AGBL1: variants seen among roughly 807,000 people sequenced by gnomAD.
AGBL1 encodes the protein cytosolic carboxypeptidase 4.
A neutral mutation model predicts 118.9 loss-of-function variants in AGBL1; 130 were observed. The observed-to-expected ratio is 1.09, with a 90% CI of 0.95 to 1.26. AGBL1 has a LOEUF of 1.26. AGBL1 is among the 50% of genes most tolerant of loss of function. The pLI, the probability that AGBL1 is intolerant of heterozygous loss-of-function variation, is 0.00. For synonymous variants in AGBL1, 555 were observed against 478.9 expected (o/e 1.16, Z -2.08); for missense variants, 1,584 against 1,298.1 (o/e 1.22, Z -3.38).
chr15:86,404,941 A>G (rs2081502313), intron 18 of AGBL1, among the ~76,000 whole-genome samples: 1 of 152,164 alleles, frequency 6.6e-6, no homozygotes, highest in Non-Finnish European at 1.5e-5. Context: ...AATGTACCTG[A>G]AAAATGGGCC....
chr15:86,407,503 C>G (rs941557412), intron 18 of AGBL1, among the ~76,000 whole-genome samples: 12 of 152,104 alleles, frequency 7.9e-5, no homozygotes, highest in African/African-American at 2.4e-4. Context: ...CCTAATCTTT[C>G]TAAAGTCTCT....
intron 18 of AGBL1, among the ~76,000 whole-genome samples, chr15:86,484,592 G>A (rs766860495): frequency 4.6e-5 from 7 of 152,074 alleles, no homozygotes; most frequent in Non-Finnish European, 1.0e-4. Flanking sequence ...CTTCTTCCAC[G>A]TTTCGGTGCA....
intron 5 of AGBL1, among the ~76,000 whole-genome samples, chr15:86,185,956 T>G (rs2077626218): frequency 6.6e-6 from 1 of 152,104 alleles, no homozygotes; most frequent in African/African-American, 2.4e-5. Context: ...AAATAAAAAT[T>G]TTTTTTCTCT....
chr15:86,482,432 C>A (rs1225579872), intron 18 of AGBL1, among the ~76,000 whole-genome samples: 1 of 152,124 alleles, frequency 6.6e-6, no homozygotes, highest in Admixed American at 6.6e-5. Flanking sequence ...AATGTCTAAT[C>A]TTTTAGAAGG....
At chr15:86,277,318 ATGTGTGTG>A (rs5814232) in intron 15 of AGBL1, among the ~76,000 whole-genome samples, 66,560 of 147,508 alleles carry the variant, frequency 0.45, 15,179 homozygotes, top group African/African-American at 0.55. Context: ...GTGTGTGTGT[ATGTGTGTG>A]TGTGTGTGTG....
chr15:86,211,481 C>T (rs775298483), intron 5 of AGBL1, among the ~76,000 whole-genome samples: 30 of 152,232 alleles, frequency 2.0e-4, no homozygotes, highest in African/African-American at 6.3e-4. Flanking sequence ...TGCAGCGCTG[C>T]GGTGAGCTCC....
At position 86,079,904 on chromosome 15, in the gene AGBL1, C is replaced by T; in HGVS notation, c.-69C>T. ...CCTGCGAGGCGGGCAGCGAGGTCAG[C>T]TTGGCAGCCGCTGCCTCTCCAGCCT... On this transcript the variant is annotated 5_prime_UTR_variant, in exon 1 of 23. Coordinates refer to ENST00000614907, the MANE Select transcript of AGBL1 (RefSeq NM_001386094.1). 8.5e-7 allele frequency: 1 copy of T among 1,174,182 alleles called. No homozygotes were observed. The highest frequency in any genetic ancestry group is 1.1e-6 in the Non-Finnish European group (1 of 934,392). The allele number at this position is 1,174,182 out of a possible 1,614,324, so 72.7% of individuals were successfully genotyped here.
chr15:86,530,144 A>G (rs1317428099), intron 19 of AGBL1, among the ~76,000 whole-genome samples: 3 of 141,766 alleles, frequency 2.1e-5, no homozygotes, highest in African/African-American at 9.4e-5. Context: ...AAATTCTCCA[A>G]TTAAAAGACA....
chr15:86,517,250 TTTC>T (rs1374208878), intron 18 of AGBL1, among the ~76,000 whole-genome samples: 1 of 152,228 alleles, frequency 6.6e-6, no homozygotes, highest in African/African-American at 2.4e-5. Flanking sequence ...GAATGTTAAT[TTTC>T]TTCTTACCTT....
intron 22 of AGBL1, among the ~76,000 whole-genome samples, chr15:86,785,428 G>A (rs1279741343): frequency 6.9e-6 from 1 of 145,194 alleles, no homozygotes. Flanking sequence ...AGGCTACAGT[G>A]TAGTGGTGTG....
intron 22 of AGBL1, among the ~76,000 whole-genome samples, chr15:86,740,213 A>G (rs2077657738): frequency 6.6e-6 from 1 of 152,272 alleles, no homozygotes. Flanking sequence ...TAAAGTATAA[A>G]GAAGAAAATT....
chr15:86,270,058 T>A lies in AGBL1; in HGVS notation c.1978T>A (p.Phe660Ile). Residue 660 changes from phenylalanine to isoleucine, a missense_variant, in exon 14 of 23, where the codon TTT becomes ATT. Phe to Ile is a conservative substitution (Grantham distance 21). Coordinates refer to ENST00000614907, the MANE Select transcript of AGBL1 (RefSeq NM_001386094.1). ...CAACTGTGAGAAGCCCAACAGCCAG[T>A]TTAATTATGGTATGAACGCTTGGGG... ...IINCEKPNSQ[F>I]NYGMQPTLYS... The A allele has an allele frequency of 6.2e-7, 1 of 1,611,696 alleles. No individual in the cohort carries two copies. Among genetic ancestry groups the A allele is most frequent in the Admixed American group, 1.7e-5 (1 of 59,706 alleles).
intron 22 of AGBL1, among the ~76,000 whole-genome samples, chr15:86,690,143 A>G (rs952179888): frequency 2.0e-5 from 3 of 152,144 alleles, no homozygotes; most frequent in African/African-American, 7.2e-5. Flanking sequence ...TGATACATAC[A>G]AGGAATGTTA....
At chr15:86,516,620 C>T (rs528527492) in intron 18 of AGBL1, among the ~76,000 whole-genome samples, 4 of 151,760 alleles carry the variant, frequency 2.6e-5, no homozygotes, top group South Asian at 2.1e-4. Flanking sequence ...GTCAACATGG[C>T]GAAACCCTGT....
intron 18 of AGBL1, among the ~76,000 whole-genome samples, chr15:86,514,640 G>A (rs1345849949): frequency 2.0e-5 from 3 of 152,010 alleles, no homozygotes; most frequent in African/African-American, 7.2e-5. Flanking sequence ...GTTGAAATTA[G>A]ACAAAAATAT....
At chr15:86,629,985 C>T (rs575333858) in intron 21 of AGBL1, among the ~76,000 whole-genome samples, 1 of 152,320 alleles carries the variant, frequency 6.6e-6, no homozygotes, top group South Asian at 2.1e-4. Flanking sequence ...GCAGCCAAAG[C>T]AGATGCTTAT....
chr15:86,245,617 GTTC>G (rs2078708013), intron 6 of AGBL1, among the ~76,000 whole-genome samples: 1 of 152,202 alleles, frequency 6.6e-6, no homozygotes, highest in African/African-American at 2.4e-5. Flanking sequence ...ATCTTGGACT[GTTC>G]TTCTTCCTCT....
At chr15:86,404,149 T>C (rs1255348202) in intron 18 of AGBL1, among the ~76,000 whole-genome samples, 1 of 152,168 alleles carries the variant, frequency 6.6e-6, no homozygotes, top group Non-Finnish European at 1.5e-5. Context: ...TCTTGCTGAC[T>C]CAGATCTTCA....
chr15:86,572,696 A>C (rs2084027930), intron 21 of AGBL1, among the ~76,000 whole-genome samples: 1 of 152,162 alleles, frequency 6.6e-6, no homozygotes, highest in Non-Finnish European at 1.5e-5. Flanking sequence ...AGGGCACAGG[A>C]GTCCGACCAT....
Sources: allele counts gnomAD v4.1 joint callset (sites outside exome capture counted in the v4.1 genomes callset), GRCh38; gene constraint gnomAD v4.1.1; transcripts MANE v1.5; gene names NCBI Gene and HGNC (gene_info 2026-07-23, HGNC 2026-07-21).